CLDN16: variants seen among roughly 807,000 people sequenced by gnomAD.
The protein encoded by CLDN16 is claudin 16.
A neutral mutation model predicts 24.6 loss-of-function variants in CLDN16; 13 were observed. The ratio of observed to expected loss-of-function variants is 0.53; its 90% confidence interval spans 0.34 to 0.84. The LOEUF (loss-of-function observed/expected upper bound fraction) is 0.84. Among genes scored for constraint, CLDN16 ranks in the 40% least tolerant of loss-of-function variants. The probability of loss-of-function intolerance (pLI) is 0.01; values close to 1 mark genes in which losing one functional copy is unlikely to be tolerated. For synonymous variants in CLDN16, 116 were observed against 106.7 expected, an observed-to-expected ratio of 1.09 and a Z score of -0.54; for missense variants, 298 against 292.7, an observed-to-expected ratio of 1.02 and a Z score of -0.13.
At chr3:190,322,813 G>C (rs1390435436) in intron 1 of CLDN16, among the ~76,000 whole-genome samples, 1 of 152,126 alleles carries the variant, frequency 6.6e-6, no homozygotes, top group East Asian at 1.9e-4. Context: ...CTTATTAAAA[G>C]GCATTTCTAC....
intron 1 of CLDN16, among the ~76,000 whole-genome samples, chr3:190,323,388 G>C (rs972372408): frequency 7.2e-5 from 11 of 152,146 alleles, no homozygotes; most frequent in African/African-American, 2.7e-4. Context: ...TCTGGGCTCT[G>C]GTTCCAGCTT....
chr3:190,319,113 A>G (rs976513189), upstream of CLDN16, among the ~76,000 whole-genome samples: 15 of 152,102 alleles, frequency 9.9e-5, no homozygotes, highest in Admixed American at 9.2e-4. Context: ...CAGCAACTCA[A>G]TCTTTGGACA....
intron 1 of CLDN16, among the ~76,000 whole-genome samples, chr3:190,362,898 A>T (rs1367853505): frequency 6.6e-6 from 1 of 151,782 alleles, no homozygotes; most frequent in East Asian, 1.9e-4. Context: ...GGCTCTTTTA[A>T]GATGCTCACC....
chr3:190,353,463 G>A (rs1171695314), intron 1 of CLDN16, among the ~76,000 whole-genome samples: 34 of 152,000 alleles, frequency 2.2e-4, no homozygotes. Context: ...AATAAAGCAT[G>A]TACCCCAGGA....
the CLDN16 span, among the ~76,000 whole-genome samples, chr3:190,311,138 G>A: frequency 0.12 from 18,529 of 152,068 alleles, 1,640 homozygotes; most frequent in East Asian, 0.49. Context: ...TAGACCATGC[G>A]AATGGTCTTG....
intron 3 of CLDN16, among the ~76,000 whole-genome samples, chr3:190,379,975 G>GCCTA (rs1553806907): frequency 1.3e-5 from 2 of 148,988 alleles, no homozygotes; most frequent in Admixed American, 6.7e-5. Context: ...TATCAACTCT[G>GCCTA]TCTATCTATC....
upstream of CLDN16, among the ~76,000 whole-genome samples, chr3:190,320,041 A>T (rs918609127): frequency 1.3e-5 from 2 of 152,012 alleles, no homozygotes; most frequent in Non-Finnish European, 2.9e-5. Flanking sequence ...CTGGAGTTTT[A>T]AAAAAATAGG....
intron 3 of CLDN16, among the ~76,000 whole-genome samples, chr3:190,379,909 C>T (rs1718321712): frequency 6.6e-6 from 1 of 151,976 alleles, no homozygotes; most frequent in African/African-American, 2.4e-5. Context: ...GGTCCTATAA[C>T]ATTTTGTGGA....
At chr3:190,405,814 A>G (rs1438905722) in intron 3 of CLDN16, among the ~76,000 whole-genome samples, 1 of 152,228 alleles carries the variant, frequency 6.6e-6, no homozygotes, top group African/African-American at 2.4e-5. Context: ...CAACATATCA[A>G]AAAGCACTTT....
At chr3:190,321,476 A>G (rs1716919171), upstream of CLDN16, among the ~76,000 whole-genome samples, 1 of 152,250 alleles carries the variant, frequency 6.6e-6, no homozygotes, top group South Asian at 2.1e-4. Context: ...GGACATTTCC[A>G]GTAGGAATGT....
At chr3:190,291,908 G>A in the CLDN16 span, among the ~76,000 whole-genome samples, 953 of 152,222 alleles carry the variant, frequency 6.3e-3, 8 homozygotes, top group Non-Finnish European at 9.2e-3. Flanking sequence ...CATGTCTCAC[G>A]TCCAGGGCAC....
At chr3:190,342,689 T>C (rs940637726) in intron 1 of CLDN16, among the ~76,000 whole-genome samples, 3 of 152,170 alleles carry the variant, frequency 2.0e-5, no homozygotes, top group South Asian at 2.1e-4. Flanking sequence ...ATTTTCACCA[T>C]AGATACCAAC....
intron 1 of CLDN16, among the ~76,000 whole-genome samples, chr3:190,365,851 C>A (rs940746211): frequency 1.1e-4 from 16 of 151,838 alleles, no homozygotes; most frequent in African/African-American, 3.6e-4. Context: ...TGTGACTTAA[C>A]CCTGCTTGTT....
chr3:190,350,870 CA>C (rs1239953932), intron 1 of CLDN16, among the ~76,000 whole-genome samples: 4 of 152,158 alleles, frequency 2.6e-5, no homozygotes, highest in African/African-American at 9.7e-5. Context: ...AGTCTATAGA[CA>C]ATCTTTCCTC....
At chr3:190,301,159 T>C in the CLDN16 span, among the ~76,000 whole-genome samples, 2 of 152,286 alleles carry the variant, frequency 1.3e-5, no homozygotes, top group East Asian at 3.9e-4. Flanking sequence ...TTCTACTGCT[T>C]ACTGGACATC....
At position 190,395,200 on chromosome 3, in the gene CLDN16, C is replaced by T. The variant is rs114284831; in HGVS notation, c.114+6757C>T. ...GTAGGTCATATACCTGTGAAGAGCA[C>T]AAAATTTTATTTTTCTACTAAGTTG... On this transcript the variant is annotated intron_variant, in intron 1 of 4. Coordinates refer to ENST00000264734, the MANE Select transcript of CLDN16 (RefSeq NM_006580.4). 2.6e-3 allele frequency among the ~76,000 whole-genome samples: 388 copies of T among 152,000 alleles called. 3 individuals carry two copies. Among genetic ancestry groups the T allele is most frequent in the African/African-American group, 9.1e-3 (378 of 41,496 alleles).
chr3:190,389,693 G>A (rs1187687468), intron 1 of CLDN16, among the ~76,000 whole-genome samples: 1 of 152,100 alleles, frequency 6.6e-6, no homozygotes, highest in Admixed American at 6.6e-5. Context: ...ATTTTATCTG[G>A]CCATGAATAT....
intron 1 of CLDN16, among the ~76,000 whole-genome samples, chr3:190,354,896 C>A (rs1418105378): frequency 6.6e-6 from 1 of 151,988 alleles, no homozygotes; most frequent in Non-Finnish European, 1.5e-5. Context: ...GTCATAAAAT[C>A]TTTCCTTTTG....
chr3:190,329,157 A>C (rs1717131417), intron 1 of CLDN16, among the ~76,000 whole-genome samples: 1 of 152,184 alleles, frequency 6.6e-6, no homozygotes, highest in Admixed American at 6.5e-5. Context: ...GATATAAGTT[A>C]ATTTAATGAA....
Sources: allele counts gnomAD v4.1 joint callset (sites outside exome capture counted in the v4.1 genomes callset), GRCh38; gene constraint gnomAD v4.1.1; transcripts MANE v1.5; gene names NCBI Gene and HGNC (gene_info 2026-07-23, HGNC 2026-07-21).